The following FHOD3 variants were observed in gnomAD, a reference collection of about 807,000 sequenced individuals.
The protein encoded by FHOD3 is FH1/FH2 domain-containing protein 3.
FHOD3 carries 90 observed loss-of-function variants against 173.0 expected under a neutral mutation model. The observed-to-expected ratio is 0.52, with a 90% confidence interval of 0.44 to 0.62. The LOEUF is 0.62. Ranked by LOEUF, FHOD3 falls within the 20% of genes least tolerant of loss-of-function variation. The pLI, the probability that FHOD3 is intolerant of heterozygous loss-of-function variation, is 0.00. For synonymous variants in FHOD3, 828 were observed against 823.0 expected, an observed-to-expected ratio of 1.01 and a Z score of -0.10; for missense variants, 1,945 against 2,034.7, an observed-to-expected ratio of 0.96 and a Z score of 0.85.
chr18:36,449,338 A>G (rs1321016800), intron 3 of FHOD3, among the ~76,000 whole-genome samples: 2 of 152,218 alleles, frequency 1.3e-5, no homozygotes, highest in Admixed American at 6.5e-5. Context: ...TATTAAGTAT[A>G]TGGCTTGAAT....
chr18:36,383,365 C>A (rs150210103), intron 3 of FHOD3, among the ~76,000 whole-genome samples: 305 of 152,254 alleles, frequency 2.0e-3, no homozygotes, highest in African/African-American at 7.0e-3. Context: ...TATGTTCAGG[C>A]CCCACTGGCT....
chr18:36,773,200 A>G (rs2043467861), intron 28 of FHOD3, among the ~76,000 whole-genome samples: 1 of 152,228 alleles, frequency 6.6e-6, no homozygotes, highest in Non-Finnish European at 1.5e-5. Flanking sequence ...ACTTTTAGAC[A>G]AATCACCCTC....
At chr18:36,438,036 G>A (rs749252990) in intron 3 of FHOD3, among the ~76,000 whole-genome samples, 1 of 152,094 alleles carries the variant, frequency 6.6e-6, no homozygotes, top group Non-Finnish European at 1.5e-5. Flanking sequence ...CTCCTCCAGA[G>A]GCTGCCTGCA....
chr18:36,439,097 A>G (rs1355749190), intron 3 of FHOD3, among the ~76,000 whole-genome samples: 1 of 152,176 alleles, frequency 6.6e-6, no homozygotes, highest in African/African-American at 2.4e-5. Context: ...CTAAATGGGA[A>G]AAAAAACAGT....
chr18:36,553,064 C>T (rs184122439), intron 5 of FHOD3, among the ~76,000 whole-genome samples: 187 of 152,230 alleles, frequency 1.2e-3, no homozygotes, highest in Middle Eastern at 0.01. Context: ...TTTTCTGCAT[C>T]TATTGAGATA....
At chr18:36,598,868 T>A (rs1478001529) in intron 7 of FHOD3, among the ~76,000 whole-genome samples, 2 of 152,208 alleles carry the variant, frequency 1.3e-5, no homozygotes, top group Non-Finnish European at 2.9e-5. Flanking sequence ...AAATTTAAAA[T>A]GTTCCATTTG....
intron 5 of FHOD3, among the ~76,000 whole-genome samples, chr18:36,570,138 A>T (rs1487064868): frequency 1.3e-5 from 2 of 152,096 alleles, no homozygotes; most frequent in African/African-American, 4.8e-5. Flanking sequence ...GAAAAATAAA[A>T]TTGACCAACA....
At chr18:36,541,460 G>A (rs2057216419) in intron 5 of FHOD3, among the ~76,000 whole-genome samples, 1 of 151,982 alleles carries the variant, frequency 6.6e-6, no homozygotes, top group South Asian at 2.1e-4. Flanking sequence ...AGGAGGCTGA[G>A]GCACCAGGAT....
intron 3 of FHOD3, among the ~76,000 whole-genome samples, chr18:36,396,594 TTTCTAA>T: frequency 6.6e-6 from 1 of 152,330 alleles, no homozygotes; most frequent in East Asian, 1.9e-4. Flanking sequence ...CATTTCTGTT[TTTCTAA>T]TTCTGATTTA....
At chr18:36,748,364 G>GCACACA (rs369761727) in intron 24 of FHOD3, among the ~76,000 whole-genome samples, 8 of 140,724 alleles carry the variant, frequency 5.7e-5, no homozygotes, top group Non-Finnish European at 1.5e-5. Context: ...ACACGCACGC[G>GCACACA]CACACACACA....
intron 9 of FHOD3, among the ~76,000 whole-genome samples, chr18:36,622,768 C>T (rs2033812459): frequency 6.6e-6 from 1 of 152,204 alleles, no homozygotes; most frequent in Non-Finnish European, 1.5e-5. Context: ...TTCTAGCTCC[C>T]AGTGTTCCTG....
intron 3 of FHOD3, among the ~76,000 whole-genome samples, chr18:36,445,119 G>A (rs2143989671): frequency 6.6e-6 from 1 of 152,322 alleles, no homozygotes; most frequent in African/African-American, 2.4e-5. Context: ...GTAGAGATGG[G>A]CATGGGTGGC....
intron 5 of FHOD3, among the ~76,000 whole-genome samples, chr18:36,547,209 AG>A (rs975695732): frequency 6.6e-6 from 1 of 152,174 alleles, no homozygotes; most frequent in African/African-American, 2.4e-5. Flanking sequence ...TGGCAGCACC[AG>A]GCCGGCCTGT....
At chr18:36,494,768 C>T (rs2054652343) in intron 3 of FHOD3, among the ~76,000 whole-genome samples, 1 of 152,194 alleles carries the variant, frequency 6.6e-6, no homozygotes, top group South Asian at 2.1e-4. Flanking sequence ...AGTCCCAGAG[C>T]TTCAGGAGAA....
At chr18:36,368,063 C>T (rs910901146) in intron 2 of FHOD3, among the ~76,000 whole-genome samples, 2 of 152,038 alleles carry the variant, frequency 1.3e-5, no homozygotes, top group Non-Finnish European at 2.9e-5. Flanking sequence ...CAGTCTCAGG[C>T]AGTTCTTTAG....
chr18:36,743,308 CAAAAAAAAAAAA>C (rs57694311), intron 22 of FHOD3, among the ~76,000 whole-genome samples: 1 of 65,898 alleles, frequency 1.5e-5, no homozygotes, highest in East Asian at 5.7e-4. Context: ...GACTCTGTCT[CAAAAAAAAAAAA>C]AAAAAAAAAA....
At chr18:36,573,430 C>G (rs2058526996) in intron 5 of FHOD3, among the ~76,000 whole-genome samples, 2 of 133,180 alleles carry the variant, frequency 1.5e-5, no homozygotes, top group Non-Finnish European at 1.6e-5. Context: ...CAGAAGGAGA[C>G]CCTATCTCTA....
In FHOD3 at chr18:36,650,219, T is replaced by C. The variant is rs76133385; in HGVS notation, c.1286+814T>C. 2.6e-5 allele frequency among the ~76,000 whole-genome samples: 4 copies of C among 152,126 alleles called. No individual in the cohort carries two copies. In the South Asian group the frequency reaches 8.3e-4, roughly 32 times the overall value. On this transcript the variant is annotated intron_variant, in intron 11 of 28. Coordinates refer to ENST00000590592, the MANE Select transcript of FHOD3 (RefSeq NM_001281740.3). ...ATGGACATTTTTACTTTTTTTTTTT[T>C]CCTACAAATAAGCAAAATCAAATGG...
intron 5 of FHOD3, among the ~76,000 whole-genome samples, chr18:36,523,751 C>T (rs574010973): frequency 2.6e-5 from 4 of 152,146 alleles, no homozygotes; most frequent in African/African-American, 9.7e-5. Flanking sequence ...CCTCTTAGAT[C>T]CCTTCCAGCT....
Sources: gnomAD v4.1 joint callset for allele counts (sites outside exome capture counted in the v4.1 genomes callset) on GRCh38, gnomAD v4.1.1 for gene constraint, MANE v1.5 for transcripts, NCBI Gene and HGNC (gene_info 2026-07-23, HGNC 2026-07-21) for gene names.